Variants in ARHGEF28 observed in about 807,000 individuals in gnomAD.
ARHGEF28 encodes 190 kDa guanine nucleotide exchange factor.
ARHGEF28 carries 152 observed loss-of-function variants against 206.6 expected under a neutral mutation model. The observed-to-expected ratio is 0.74, with a 90% CI of 0.64 to 0.84. The LOEUF is 0.84. Ranked by LOEUF, ARHGEF28 falls within the 40% of genes least tolerant of loss-of-function variation. The probability of loss-of-function intolerance (pLI) is 0.00; values close to 1 mark genes in which losing one functional copy is unlikely to be tolerated. For synonymous variants in ARHGEF28, 763 were observed against 776.4 expected, an observed-to-expected ratio of 0.98 and a Z score of 0.29; for missense variants, 2,028 against 2,073.2, an observed-to-expected ratio of 0.98 and a Z score of 0.42.
intron 35 of ARHGEF28, among the ~76,000 whole-genome samples, chr5:73,934,334 C>T (rs187988231): frequency 4.7e-4 from 71 of 152,254 alleles, no homozygotes; most frequent in Admixed American, 7.2e-4. Context: ...TTGTAAATTG[C>T]ATCTCATCAC....
chr5:73,915,892 A>G (rs773902669), intron 35 of ARHGEF28, among the ~76,000 whole-genome samples: 1 of 152,226 alleles, frequency 6.6e-6, no homozygotes, highest in Non-Finnish European at 1.5e-5. Flanking sequence ...TTTGTTATGC[A>G]TAGGCTAAAA....
intron 35 of ARHGEF28, among the ~76,000 whole-genome samples, chr5:73,931,411 A>G (rs1376849976): frequency 6.6e-6 from 1 of 152,090 alleles, no homozygotes; most frequent in Non-Finnish European, 1.5e-5. Flanking sequence ...GAGATATTCT[A>G]TTTTTTAAAA....
intron 9 of ARHGEF28, among the ~76,000 whole-genome samples, chr5:73,801,610 GA>G (rs1755139018): frequency 6.6e-6 from 1 of 152,100 alleles, no homozygotes; most frequent in African/African-American, 2.4e-5. Flanking sequence ...TGAAACATGG[GA>G]GGGGGGGACC....
At chr5:73,793,465 CAA>C (rs1754604785) in intron 7 of ARHGEF28, among the ~76,000 whole-genome samples, 1 of 152,140 alleles carries the variant, frequency 6.6e-6, no homozygotes, top group African/African-American at 2.4e-5. Flanking sequence ...ATAGGAGTGA[CAA>C]AACGGAATAG....
intron 2 of ARHGEF28, among the ~76,000 whole-genome samples, chr5:73,720,470 A>G (rs1749874363): frequency 6.6e-6 from 1 of 152,188 alleles, no homozygotes; most frequent in Non-Finnish European, 1.5e-5. Flanking sequence ...CTCAGCCTCT[A>G]AGACCTCAGT....
chr5:73,666,783 G>T (rs932551729), intron 1 of ARHGEF28, among the ~76,000 whole-genome samples: 7 of 152,224 alleles, frequency 4.6e-5, no homozygotes, highest in Non-Finnish European at 7.3e-5. Context: ...GAACAAAAGT[G>T]TATGCTAAGT....
At chr5:73,783,502 A>G (rs1045858818) in intron 7 of ARHGEF28, among the ~76,000 whole-genome samples, 1 of 152,066 alleles carries the variant, frequency 6.6e-6, no homozygotes, top group African/African-American at 2.4e-5. Context: ...TTCTACCCTG[A>G]CAGCTCTGTA....
intron 33 of ARHGEF28, among the ~76,000 whole-genome samples, chr5:73,906,429 C>T (rs1443729194): frequency 6.6e-6 from 1 of 152,144 alleles, no homozygotes; most frequent in Non-Finnish European, 1.5e-5. Flanking sequence ...CCATGTTGCC[C>T]AGGCTGCAGT....
intron 22 of ARHGEF28, 134 bp from the exon 23 acceptor site, chr5:73,882,338 A>G: frequency 1.5e-6 from 1 of 656,832 alleles, no homozygotes; most frequent in Non-Finnish European, 2.4e-6. Flanking sequence ...GAGATAAGTG[A>G]TTGTGTTCAG....
chr5:73,939,428 A>G (rs1697388698), intron 35 of ARHGEF28, among the ~76,000 whole-genome samples: 1 of 152,224 alleles, frequency 6.6e-6, no homozygotes, highest in African/African-American at 2.4e-5. Context: ...CTAAAGGGTC[A>G]GGGATGGGCT....
intron 10 of ARHGEF28, 34 bp from the exon 11 acceptor site, chr5:73,840,446 T>C (rs777204701): frequency 6.2e-7 from 1 of 1,600,474 alleles, no homozygotes. Context: ...CTTACCTGCT[T>C]TTACTCAGGA....
At chr5:73,805,467 A>G (rs77252748) in intron 9 of ARHGEF28, among the ~76,000 whole-genome samples, 2,066 of 152,342 alleles carry the variant, frequency 0.014, 56 homozygotes, top group African/African-American at 0.047. Context: ...AGTGGAGTCT[A>G]TAAGAATAAA....
chr5:73,820,522 T>C (rs1028537557), intron 9 of ARHGEF28, among the ~76,000 whole-genome samples: 3 of 152,176 alleles, frequency 2.0e-5, no homozygotes, highest in Non-Finnish European at 4.4e-5. Flanking sequence ...CTGGGTGTTC[T>C]GGCATCTGTG....
intron 24 of ARHGEF28, among the ~76,000 whole-genome samples, chr5:73,885,488 TTTC>T (rs199924240): frequency 0.074 from 10,986 of 148,778 alleles, 552 homozygotes; most frequent in African/African-American, 0.14. Context: ...TTTTTTTTTT[TTTC>T]TTCGAGACAG....
At chr5:73,841,393 A>G (rs1381302979) in intron 11 of ARHGEF28, among the ~76,000 whole-genome samples, 2 of 152,182 alleles carry the variant, frequency 1.3e-5, no homozygotes, top group African/African-American at 4.8e-5. Flanking sequence ...GGGCACCTAC[A>G]TATGTGCATA....
chr5:73,844,513 C>T (rs1758179434), intron 11 of ARHGEF28, among the ~76,000 whole-genome samples: 2 of 151,894 alleles, frequency 1.3e-5, no homozygotes, highest in Admixed American at 6.6e-5. Flanking sequence ...GACCAGGACT[C>T]ATACCATGTA....
At chr5:73,915,464 T>C (rs973591079) in intron 35 of ARHGEF28, among the ~76,000 whole-genome samples, 1 of 152,208 alleles carries the variant, frequency 6.6e-6, no homozygotes, top group African/African-American at 2.4e-5. Flanking sequence ...AAATTGATAT[T>C]TTATTTGTAG....
At chr5:73,883,924 T>C in intron 24 of ARHGEF28, 40 bp downstream of exon 24, 7 of 1,346,008 alleles carry the variant, frequency 5.2e-6, no homozygotes, top group Non-Finnish European at 6.1e-6. Context: ...GCCCCTCTTA[T>C]TAGTTTTAAA....
intron 1 of ARHGEF28, among the ~76,000 whole-genome samples, chr5:73,630,396 A>G (rs1743291707): frequency 6.6e-6 from 1 of 152,130 alleles, no homozygotes; most frequent in South Asian, 2.1e-4. Context: ...ACCTCTCTCT[A>G]CCTCAGGTTT....
Sources: allele counts gnomAD v4.1 joint callset (sites outside exome capture counted in the v4.1 genomes callset), GRCh38; gene constraint gnomAD v4.1.1; transcripts MANE v1.5; gene names NCBI Gene and HGNC (gene_info 2026-07-23, HGNC 2026-07-21).